The following PPP1R21 variants were observed in gnomAD, a reference collection of about 807,000 sequenced individuals.
PPP1R21 encodes KLRAQ motif containing 1.
PPP1R21 carries 85 observed loss-of-function variants against 112.8 expected under a neutral mutation model. The ratio of observed to expected loss-of-function variants is 0.75; its 90% CI spans 0.63 to 0.90. The LOEUF is 0.90. PPP1R21 is among the 40% of genes least tolerant of loss of function. The pLI is 0.00. For missense variants in PPP1R21, 1,199 were observed against 901.5 expected, an observed-to-expected ratio of 1.33 and a Z score of -4.23; for synonymous variants, 381 against 322.3, an observed-to-expected ratio of 1.18 and a Z score of -1.95.
chr2:48,459,988 T>TA (rs1667905687), intron 5 of PPP1R21, 70 bp downstream of exon 5: 3 of 1,591,534 alleles, frequency 1.9e-6, no homozygotes, highest in East Asian at 4.5e-5. Flanking sequence ...TCTATCCACT[T>TA]AGAGTTAGTC....
chr2:48,480,185 G>C (rs1294689964), intron 13 of PPP1R21, among the ~76,000 whole-genome samples, 169 bp downstream of exon 13: 1 of 152,176 alleles, frequency 6.6e-6, no homozygotes, highest in Non-Finnish European at 1.5e-5. Context: ...TTTCCCATCT[G>C]TTTTATTTCT....
At chr2:48,457,937 A>G in intron 3 of PPP1R21, 189 bp from the exon 4 acceptor site, 3 of 558,468 alleles carry the variant, frequency 5.4e-6, no homozygotes, top group Admixed American at 4.8e-5. Context: ...GCTCCTTACA[A>G]TATTTGCAGT....
Position 48,514,846 on chromosome 2 carries a change from A to G in PPP1R21, c.*102A>G, listed in dbSNP as rs181518340. On this transcript the variant is annotated 3_prime_UTR_variant, in exon 22 of 22. Transcript: ENST00000294952. ...CCATGCTGGCTGCCTTCAGGAAGCTAAAGTATTGTTGGACCTAGTAAACTA... is the reference window on the plus strand; with the variant it reads ...CCATGCTGGCTGCCTTCAGGAAGCTGAAGTATTGTTGGACCTAGTAAACTA... 10 of 1,192,924 alleles carry G rather than the reference A, an allele frequency of 8.4e-6. No homozygotes were observed. The highest frequency in any genetic ancestry group is 7.7e-5 in the South Asian group (6 of 77,706). The allele number at this position is 1,192,924 out of a possible 1,614,324, so 73.9% of individuals were successfully genotyped here.
intron 3 of PPP1R21, 131 bp from the exon 4 acceptor site, chr2:48,457,995 T>G (rs1572838454): frequency 5.9e-6 from 4 of 679,996 alleles, no homozygotes; most frequent in Non-Finnish European, 1.1e-5. Context: ...CTGTATAGCT[T>G]TTGCAGGATT....
chr2:48,452,295 A>G (rs74372386), intron 2 of PPP1R21, among the ~76,000 whole-genome samples: 11,406 of 152,168 alleles, frequency 0.075, 603 homozygotes, highest in Non-Finnish European at 0.12. Context: ...AGCTGGTTCT[A>G]TTGATTGAGC....
intron 12 of PPP1R21, chr2:48,479,539 G>C (rs1330726158): frequency 2.1e-6 from 1 of 479,454 alleles, no homozygotes; most frequent in South Asian, 1.5e-5. Flanking sequence ...GGCAGAAGCA[G>C]AACTCTGTGA....
chr2:48,463,012 A>G (rs1339291547), intron 7 of PPP1R21, among the ~76,000 whole-genome samples: 1 of 152,238 alleles, frequency 6.6e-6, no homozygotes. Flanking sequence ...AGAGGTAGAC[A>G]GGAGCAGGTT....
At chr2:48,476,081 C>T (rs1350854063) in intron 12 of PPP1R21, among the ~76,000 whole-genome samples, 1 of 152,108 alleles carries the variant, frequency 6.6e-6, no homozygotes, top group Non-Finnish European at 1.5e-5. Context: ...AGAAGAAACC[C>T]TGTGTATTTT....
At chr2:48,491,369 A>G (rs537202990) in intron 15 of PPP1R21, among the ~76,000 whole-genome samples, 199 bp downstream of exon 15, 10 of 152,250 alleles carry the variant, frequency 6.6e-5, no homozygotes, top group South Asian at 6.2e-4. Flanking sequence ...AGCGTTGCCT[A>G]TATTCGTAGG....
intron 13 of PPP1R21, among the ~76,000 whole-genome samples, chr2:48,480,617 G>C (rs1468772360): frequency 6.6e-6 from 1 of 152,128 alleles, no homozygotes; most frequent in East Asian, 1.9e-4. Flanking sequence ...TCTGAGTCCT[G>C]ACTAATCTAC....
At chr2:48,447,821 G>T (rs973383033) in intron 1 of PPP1R21, among the ~76,000 whole-genome samples, 1 of 152,054 alleles carries the variant, frequency 6.6e-6, no homozygotes, top group Non-Finnish European at 1.5e-5. Flanking sequence ...GTGGTGGCAC[G>T]TGCCTATAAT....
chr2:48,498,237 G>C (rs1330743002), intron 16 of PPP1R21, among the ~76,000 whole-genome samples: 1 of 150,094 alleles, frequency 6.7e-6, no homozygotes, highest in Non-Finnish European at 1.5e-5. Flanking sequence ...ATTCAATTCT[G>C]AGTTTTCTTT....
At chr2:48,478,700 C>G (rs1257056600) in intron 12 of PPP1R21, among the ~76,000 whole-genome samples, 1 of 152,208 alleles carries the variant, frequency 6.6e-6, no homozygotes, top group Non-Finnish European at 1.5e-5. Flanking sequence ...CCCAGGAGGG[C>G]TCTTCTTAGC....
intron 8 of PPP1R21, among the ~76,000 whole-genome samples, 192 bp from the exon 9 acceptor site, chr2:48,465,301 G>T (rs1668151666): frequency 1.3e-5 from 2 of 152,148 alleles, no homozygotes; most frequent in South Asian, 4.1e-4. Flanking sequence ...AGTGCAGGAG[G>T]TGTATTTGCC....
intron 18 of PPP1R21, 150 bp from the exon 19 acceptor site, chr2:48,507,119 T>C (rs954952045): frequency 2.6e-6 from 3 of 1,138,920 alleles, no homozygotes; most frequent in African/African-American, 3.3e-5. Context: ...CTGCTATGTC[T>C]GAAGTTTCTT....
At position 48,507,313 on chromosome 2, in the gene PPP1R21, C is replaced by T; in HGVS notation, c.2013C>T (p.Tyr671=). 1 of 1,581,562 alleles carries T rather than the reference C, an allele frequency of 6.3e-7. No homozygotes were observed. Among genetic ancestry groups the T allele is most frequent in the Non-Finnish European group, 8.6e-7 (1 of 1,167,812 alleles). Residue 671 remains tyrosine, a synonymous_variant, in exon 19 of 22, where the codon TAC becomes TAT. Transcript: ENST00000294952. ...GTGAAGACTTAATTAAAAATCACTA[C>T]ATGGCAAGGATAGTGGAACTTACGT... ...ESREDLIKNH[Y]MARIVELTSQ...
chr2:48,501,026 G>T (rs960746569), intron 17 of PPP1R21, among the ~76,000 whole-genome samples: 3 of 152,204 alleles, frequency 2.0e-5, no homozygotes, highest in Admixed American at 2.0e-4. Context: ...GGACAATCCT[G>T]TAGTGTTCAC....
chr2:48,455,656 C>A (rs1667688323), intron 3 of PPP1R21, among the ~76,000 whole-genome samples: 1 of 151,936 alleles, frequency 6.6e-6, no homozygotes, highest in African/African-American at 2.4e-5. Context: ...TTGGTTATAC[C>A]AGGTTGCCAT....
chr2:48,459,986 C>T lies in PPP1R21; in HGVS notation c.540+68C>T, dbSNP rs954614586. 2.3e-5 allele frequency: 37 copies of T among 1,590,888 alleles called. No homozygotes were observed. The Middle Eastern group carries it at 2.3e-3, about 101-fold the overall frequency. ...TTTGTATTAATAAATTGTCTATCCA[C>T]TTAGAGTTAGTCATTTCTGGTGAGA... On this transcript the variant is annotated intron_variant, in intron 5 of 21. Coordinates refer to ENST00000294952, the MANE Select transcript of PPP1R21 (RefSeq NM_001135629.3).
Sources: gnomAD v4.1 joint callset for allele counts (sites outside exome capture counted in the v4.1 genomes callset) on GRCh38, gnomAD v4.1.1 for gene constraint, MANE v1.5 for transcripts, NCBI Gene and HGNC (gene_info 2026-07-23, HGNC 2026-07-21) for gene names.